The following CACNA2D3 variants were observed in gnomAD, a reference collection of about 807,000 sequenced individuals.
CACNA2D3 encodes voltage-dependent calcium channel subunit alpha-2/delta-3.
CACNA2D3 carries 60 observed loss-of-function variants against 160.6 expected under a neutral mutation model. That is an observed-to-expected ratio of 0.37 (90% CI 0.30 to 0.46). CACNA2D3 has a LOEUF of 0.46. CACNA2D3 is among the 20% of genes least tolerant of loss of function. The probability of loss-of-function intolerance (pLI) is 1.00; values close to 1 mark genes in which losing one functional copy is unlikely to be tolerated. For synonymous variants in CACNA2D3, 558 were observed against 492.9 expected, an observed-to-expected ratio of 1.13 and a Z score of -1.75; for missense variants, 1,205 against 1,365.0, an observed-to-expected ratio of 0.88 and a Z score of 1.85.
intron 27 of CACNA2D3, among the ~76,000 whole-genome samples, chr3:54,947,266 C>CTTTTCCAGTA (rs1322937601): frequency 6.6e-6 from 1 of 152,166 alleles, no homozygotes; most frequent in Non-Finnish European, 1.5e-5. Flanking sequence ...TTACTCTATG[C>CTTTTCCAGTA]TGCCTCTTAA....
At chr3:54,173,712 T>C (rs1312372485) in intron 2 of CACNA2D3, among the ~76,000 whole-genome samples, 1 of 152,212 alleles carries the variant, frequency 6.6e-6, no homozygotes, top group African/African-American at 2.4e-5. Flanking sequence ...TTGTTTGGCC[T>C]TTGCACTTTC....
intron 2 of CACNA2D3, among the ~76,000 whole-genome samples, chr3:54,286,756 G>A (rs1401077146): frequency 6.6e-6 from 1 of 152,312 alleles, no homozygotes; most frequent in East Asian, 1.9e-4. Context: ...AGCCAGAAGA[G>A]AGTGGGGGCC....
At chr3:54,842,979 C>CTT (rs145158032) in intron 16 of CACNA2D3, among the ~76,000 whole-genome samples, 15 of 134,980 alleles carry the variant, frequency 1.1e-4, no homozygotes, top group Middle Eastern at 4.2e-3. Context: ...GTGAGTGTAG[C>CTT]TTTTTTTTTT....
chr3:54,977,894 G>A (rs575766665), intron 29 of CACNA2D3, among the ~76,000 whole-genome samples: 10 of 152,268 alleles, frequency 6.6e-5, no homozygotes, highest in East Asian at 1.9e-4. Context: ...GAGCAGCCTC[G>A]AGGGCTGCTG....
intron 35 of CACNA2D3, among the ~76,000 whole-genome samples, chr3:55,040,752 G>A (rs1360531647): frequency 6.6e-6 from 1 of 152,120 alleles, no homozygotes. Context: ...TCTTATACAG[G>A]AGGGTTTTTC....
intron 9 of CACNA2D3, among the ~76,000 whole-genome samples, chr3:54,607,120 A>G (rs1353660377): frequency 1.3e-5 from 2 of 152,194 alleles, no homozygotes; most frequent in Non-Finnish European, 2.9e-5. Flanking sequence ...GTATTTTGCC[A>G]TTGCCACTGA....
At chr3:54,576,190 C>T (rs541021121) in intron 8 of CACNA2D3, among the ~76,000 whole-genome samples, 5 of 152,264 alleles carry the variant, frequency 3.3e-5, no homozygotes, top group East Asian at 3.9e-4. Context: ...GGCCTGAAAG[C>T]GGAATTGCTT....
At chr3:55,066,183 G>A (rs1378736630) in intron 35 of CACNA2D3, among the ~76,000 whole-genome samples, 1 of 152,220 alleles carries the variant, frequency 6.6e-6, no homozygotes, top group Non-Finnish European at 1.5e-5. Context: ...TCCTGGTGGA[G>A]AGCCACAGTC....
intron 35 of CACNA2D3, among the ~76,000 whole-genome samples, chr3:55,050,338 T>G (rs1370303029): frequency 3.3e-5 from 5 of 152,002 alleles, no homozygotes; most frequent in East Asian, 1.9e-4. Flanking sequence ...GTCTGTAAAG[T>G]ATTTTATTTC....
chr3:54,150,778 A>G (rs1228788300), intron 2 of CACNA2D3, among the ~76,000 whole-genome samples: 1 of 152,224 alleles, frequency 6.6e-6, no homozygotes, highest in Non-Finnish European at 1.5e-5. Context: ...GTATTCTAAG[A>G]GGAGATAACT....
intron 2 of CACNA2D3, among the ~76,000 whole-genome samples, chr3:54,293,496 T>C (rs1447119770): frequency 6.6e-6 from 1 of 152,082 alleles, no homozygotes; most frequent in Non-Finnish European, 1.5e-5. Flanking sequence ...AATAATGATC[T>C]CCAGTTCCAT....
rs551828306 is a variant in CACNA2D3, at chr3:54,752,230, C to T, written c.1168-369C>T. Among the ~76,000 whole-genome samples the T allele has an allele frequency of 4.6e-5, 7 of 152,308 alleles. 1 individual carries two copies. The South Asian group carries it at 1.2e-3, about 27-fold the overall frequency. ...TTTTTATTCCCAAGAAGAGCACACT[C>T]TGCATTTCCTGTGTGAATGGGGAAA... is the stretch of plus-strand genomic sequence containing the variant. On this transcript the variant is annotated intron_variant, in intron 11 of 37. Transcript: ENST00000474759.
At position 54,502,320 on chromosome 3, in the gene CACNA2D3, CTCT is replaced by C. The variant is rs531507149; in HGVS notation, c.382-1167_382-1165del. Among the ~76,000 whole-genome samples the C allele has an allele frequency of 1.6e-4, 24 of 152,242 alleles. 1 individual carries two copies. In the South Asian group the frequency reaches 5.0e-3, roughly 32 times the overall value. On this transcript the variant is annotated intron_variant, in intron 4 of 37. Coordinates refer to ENST00000474759, the MANE Select transcript of CACNA2D3 (RefSeq NM_018398.3). ...GGATATTCTGTTCCCTTTCTATTTT[CTCT>C]TCTTTTTGCATTTCTTTTTGGGGAG...
At chr3:54,737,983 T>C (rs1701567641) in intron 11 of CACNA2D3, among the ~76,000 whole-genome samples, 1 of 152,190 alleles carries the variant, frequency 6.6e-6, no homozygotes, top group Non-Finnish European at 1.5e-5. Context: ...CTCTATCTTA[T>C]TCCTGTTACA....
intron 3 of CACNA2D3, among the ~76,000 whole-genome samples, chr3:54,325,665 G>T (rs949215477): frequency 6.6e-6 from 1 of 152,194 alleles, no homozygotes; most frequent in Non-Finnish European, 1.5e-5. Flanking sequence ...AGTATCTGTT[G>T]TGGTAGCGTT....
chr3:54,233,413 G>A (rs1701815834), intron 2 of CACNA2D3, among the ~76,000 whole-genome samples: 2 of 152,214 alleles, frequency 1.3e-5, no homozygotes, highest in African/African-American at 4.8e-5. Context: ...AGAGGGCACA[G>A]AGCACCAATG....
chr3:54,815,460 C>T (rs1703427965), intron 13 of CACNA2D3, among the ~76,000 whole-genome samples: 1 of 152,174 alleles, frequency 6.6e-6, no homozygotes, highest in African/African-American at 2.4e-5. Flanking sequence ...AGAAAGCATT[C>T]TTCCCAGAGT....
chr3:54,464,724 T>C (rs1700581145), intron 4 of CACNA2D3, among the ~76,000 whole-genome samples: 1 of 152,204 alleles, frequency 6.6e-6, no homozygotes, highest in African/African-American at 2.4e-5. Flanking sequence ...CCCTCGCGCT[T>C]CCTGAGTGAG....
chr3:55,049,191 T>C (rs1456513769), intron 35 of CACNA2D3, among the ~76,000 whole-genome samples: 3 of 151,266 alleles, frequency 2.0e-5, no homozygotes, highest in Non-Finnish European at 2.9e-5. Flanking sequence ...CTAATTGTGA[T>C]GTTAGGGTGT....
Sources: allele counts gnomAD v4.1 joint callset (sites outside exome capture counted in the v4.1 genomes callset), GRCh38; gene constraint gnomAD v4.1.1; transcripts MANE v1.5; gene names NCBI Gene and HGNC (gene_info 2026-07-23, HGNC 2026-07-21).